The following IL19 variants were observed in gnomAD, a reference collection of about 807,000 sequenced individuals.
IL19 encodes interleukin-19.
IL19 carries 15 observed loss-of-function variants against 19.5 expected under a neutral mutation model. That is an observed-to-expected ratio of 0.77 (90% CI 0.52 to 1.19). The LOEUF is 1.19. Among genes scored for constraint, IL19 ranks in the 50% most tolerant of loss-of-function variants. The probability of loss-of-function intolerance (pLI) is 0.00; values close to 1 mark genes in which losing one functional copy is unlikely to be tolerated. For synonymous variants in IL19, 78 were observed against 78.3 expected (o/e 1.00, Z 0.02); for missense variants, 199 against 213.1 (o/e 0.93, Z 0.41).
At chr1:206,775,521 C>G (rs376807881) in intron 1 of IL19, among the ~76,000 whole-genome samples, 38 of 152,248 alleles carry the variant, frequency 2.5e-4, no homozygotes, top group African/African-American at 9.2e-4. Context: ...GGTGCAAGTC[C>G]TCATTTAGCA....
chr1:206,816,741 A>C (rs1676167542), intron 2 of IL19, among the ~76,000 whole-genome samples: 1 of 152,214 alleles, frequency 6.6e-6, no homozygotes, highest in Non-Finnish European at 1.5e-5. Flanking sequence ...AAGGAGACAT[A>C]ATCAGACTGA....
chr1:206,800,316 C>A (rs963119450), intron 2 of IL19, among the ~76,000 whole-genome samples: 4 of 152,186 alleles, frequency 2.6e-5, no homozygotes, highest in African/African-American at 9.7e-5. Flanking sequence ...GTGTAAGTCT[C>A]CAGCATTGCC....
At chr1:206,777,684 AC>A (rs1675043446) in intron 1 of IL19, among the ~76,000 whole-genome samples, 1 of 152,192 alleles carries the variant, frequency 6.6e-6, no homozygotes, top group Admixed American at 6.5e-5. Context: ...AGAAGGTGAG[AC>A]CGTGCCCATC....
intron 2 of IL19, among the ~76,000 whole-genome samples, chr1:206,824,661 C>G (rs1016923971): frequency 6.6e-6 from 1 of 152,198 alleles, no homozygotes; most frequent in East Asian, 1.9e-4. Flanking sequence ...GGAATTATCA[C>G]CCCCATTTCT....
At chr1:206,795,714 T>C (rs962053069) in intron 1 of IL19, among the ~76,000 whole-genome samples, 1 of 152,180 alleles carries the variant, frequency 6.6e-6, no homozygotes, top group East Asian at 1.9e-4. Flanking sequence ...ACTGTTTACC[T>C]TCCTGCTCCT....
intron 1 of IL19, among the ~76,000 whole-genome samples, chr1:206,784,657 T>C (rs746591565): frequency 6.6e-6 from 1 of 152,148 alleles, no homozygotes; most frequent in African/African-American, 2.4e-5. Context: ...CTCAAGAGCA[T>C]GGCCCCGGGG....
At chr1:206,788,752 T>C (rs929376844) in intron 1 of IL19, among the ~76,000 whole-genome samples, 4 of 152,192 alleles carry the variant, frequency 2.6e-5, no homozygotes, top group African/African-American at 9.7e-5. Context: ...AGAATCTGCT[T>C]AGCACATGTC....
chr1:206,771,351 C>T, intron 1 of IL19: 1 of 1,613,312 alleles, frequency 6.2e-7, no homozygotes, highest in South Asian at 1.1e-5. Context: ...CGCCCCTGCT[C>T]TCACCTTAAA....
At chr1:206,793,617 T>C (rs1675455873) in intron 1 of IL19, among the ~76,000 whole-genome samples, 2 of 152,188 alleles carry the variant, frequency 1.3e-5, no homozygotes, top group African/African-American at 4.8e-5. Context: ...CTGAACAAAA[T>C]GGCACATCCT....
At chr1:206,779,584 C>T (rs1416522408) in intron 1 of IL19, among the ~76,000 whole-genome samples, 1 of 152,194 alleles carries the variant, frequency 6.6e-6, no homozygotes, top group Non-Finnish European at 1.5e-5. Context: ...CTAGACCGTT[C>T]TCCACGTTGT....
chr1:206,775,749 C>A (rs1674976963), intron 1 of IL19, among the ~76,000 whole-genome samples: 1 of 152,210 alleles, frequency 6.6e-6, no homozygotes, highest in African/African-American at 2.4e-5. Context: ...ATGTCTGAGA[C>A]ATGAATGCCA....
intron 1 of IL19, among the ~76,000 whole-genome samples, chr1:206,784,681 G>A (rs1675226908): frequency 6.6e-6 from 1 of 152,028 alleles, no homozygotes; most frequent in Non-Finnish European, 1.5e-5. Context: ...GCGGGGGTGT[G>A]GAAGGGAGGT....
At chr1:206,785,946 A>G (rs187035104) in intron 1 of IL19, among the ~76,000 whole-genome samples, 1 of 151,960 alleles carries the variant, frequency 6.6e-6, no homozygotes, top group East Asian at 1.9e-4. Flanking sequence ...AAGTGTATAA[A>G]CATATATCTG....
At chr1:206,841,812 T>A (rs1218138720) in intron 6 of IL19, among the ~76,000 whole-genome samples, 1 of 152,206 alleles carries the variant, frequency 6.6e-6, no homozygotes, top group Non-Finnish European at 1.5e-5. Context: ...TTAACACACA[T>A]TCGTCCTTCC....
intron 1 of IL19, among the ~76,000 whole-genome samples, chr1:206,795,908 A>G (rs1009139338): frequency 6.8e-6 from 1 of 146,300 alleles, no homozygotes; most frequent in African/African-American, 2.6e-5. Flanking sequence ...AGAGAAACAG[A>G]ACCAATATAA....
At chr1:206,842,128 C>G (rs1201553700) in intron 6 of IL19, among the ~76,000 whole-genome samples, 2 of 152,116 alleles carry the variant, frequency 1.3e-5, no homozygotes, top group African/African-American at 4.8e-5. Context: ...ACATGCTCTC[C>G]CTACCCACTG....
intron 1 of IL19, among the ~76,000 whole-genome samples, chr1:206,792,220 G>A (rs1224829153): frequency 6.6e-6 from 1 of 152,182 alleles, no homozygotes; most frequent in Non-Finnish European, 1.5e-5. Context: ...CCCACTTCCT[G>A]AGTGAACATT....
At chr1:206,784,846 T>C (rs758006420) in intron 1 of IL19, among the ~76,000 whole-genome samples, 3 of 152,258 alleles carry the variant, frequency 2.0e-5, no homozygotes, top group Non-Finnish European at 4.4e-5. Context: ...CTGTGTTGCG[T>C]TGATGCCTGC....
chr1:206,802,383 T>C (rs766917129), intron 2 of IL19, among the ~76,000 whole-genome samples: 1 of 152,126 alleles, frequency 6.6e-6, no homozygotes, highest in Non-Finnish European at 1.5e-5. Context: ...TTTTTCTGCC[T>C]TCCATGTACC....
Sources: gnomAD v4.1 joint callset for allele counts (sites outside exome capture counted in the v4.1 genomes callset) on GRCh38, gnomAD v4.1.1 for gene constraint, MANE v1.5 for transcripts, NCBI Gene and HGNC (gene_info 2026-07-23, HGNC 2026-07-21) for gene names.